Variants in FDFT1 observed in about 807,000 individuals in gnomAD.
The protein encoded by FDFT1 is farnesyl-diphosphate farnesyltransferase 1.
A neutral mutation model predicts 46.8 loss-of-function variants in FDFT1; 68 were observed. The observed-to-expected ratio is 1.45, with a 90% CI of 1.19 to 1.78. The LOEUF is 1.78. Ranked by LOEUF, FDFT1 falls within the 40% of genes most tolerant of loss-of-function variation. The probability of loss-of-function intolerance (pLI) is 0.00; values close to 1 mark genes in which losing one functional copy is unlikely to be tolerated. For synonymous variants in FDFT1, 351 were observed against 185.1 expected (o/e 1.90, Z -7.28); for missense variants, 928 against 524.4 (o/e 1.77, Z -7.52).
At chr8:11,809,549 T>C (rs1029947922) in intron 2 of FDFT1, 118 bp from the exon 3 acceptor site, 50 of 1,300,468 alleles carry the variant, frequency 3.8e-5, no homozygotes, top group African/African-American at 7.5e-5. Context: ...GATATCCTTA[T>C]AGTTCTTTAG....
chr8:11,821,902 G>C (rs1465590805), intron 4 of FDFT1, 24 bp downstream of exon 4: 4 of 1,606,908 alleles, frequency 2.5e-6, no homozygotes, highest in Admixed American at 3.3e-5. Context: ...AACAGTGTCT[G>C]TGTGTGATGT....
At position 11,830,435 on chromosome 8, in the gene FDFT1, T is replaced by C; in HGVS notation, c.879+15T>C. The C allele has an allele frequency of 6.3e-7, 1 of 1,596,584 alleles. No individual in the cohort carries two copies. Among genetic ancestry groups the C allele is most frequent in the South Asian group, 1.1e-5 (1 of 90,690 alleles). ...CTATTCCACAGGTAGGGAAGGGGGC[T>C]CCTCTGGGTGGATACGGGGCTAAAG... is the stretch of plus-strand genomic sequence containing the variant. On this transcript the variant is annotated intron_variant, in intron 6 of 7. Transcript: ENST00000220584.
Position 11,830,244 on chromosome 8 carries a change from G to T in FDFT1, c.703G>T (p.Val235Phe), listed in dbSNP as rs763412017. The T allele has an allele frequency of 2.5e-6, 4 of 1,612,746 alleles. No homozygotes were observed. The highest frequency in any genetic ancestry group is 2.2e-5 in the East Asian group (1 of 44,884). ...QGGREFWPQE[V>F]WSRYVKKLGD... is the part of the protein sequence containing the mutation. ...TTCCTTAATCTTCTTATCTGTCTAGGTTTGGAGCAGGTATGTTAAGAAGTT... is the reference window on the plus strand; with the variant it reads ...TTCCTTAATCTTCTTATCTGTCTAGTTTTGGAGCAGGTATGTTAAGAAGTT... Residue 235 changes from valine to phenylalanine, a missense_variant and splice_region_variant, in exon 6 of 8, where the codon GTT becomes TTT. Transcript: ENST00000220584.
intron 1 of FDFT1, chr8:11,803,322 A>G (rs939384335): frequency 6.2e-6 from 8 of 1,296,218 alleles, no homozygotes; most frequent in Admixed American, 4.6e-5. Context: ...AACTATGCAG[A>G]TAACATCACA....
rs536517941 is a variant in FDFT1 at position 11,808,499 on chromosome 8, C to T, written c.100-295C>T. On this transcript the variant is annotated intron_variant, in intron 1 of 7. Transcript: ENST00000220584. ...GCTTGAGTCTATGGAGGAAAAACTC[C>T]GCGGGGTCCGCGATTCCCATGGCCG... 4.7e-5 allele frequency: 63 copies of T among 1,329,498 alleles called. 1 individual carries two copies. The highest frequency in any genetic ancestry group is 6.0e-5 in the East Asian group (2 of 33,060). 82.4% of individuals were successfully genotyped at this position (1,329,498 alleles called of 1,614,324 possible).
Position 11,802,942 on chromosome 8 carries a change from C to A in FDFT1, c.99+11C>A, listed in dbSNP as rs778721926. 5 of 1,594,018 alleles carry A rather than the reference C, an allele frequency of 3.1e-6. No homozygotes were observed. The highest frequency in any genetic ancestry group is 2.7e-5 in the African/African-American group (2 of 74,330). Reference sequence around the variant, plus strand: ...CCCAAGATGGACCAGGTGGGCCGAGCCTCCCTGCTTGCCCGGGGCGGGGAA... The same window carrying A: ...CCCAAGATGGACCAGGTGGGCCGAGACTCCCTGCTTGCCCGGGGCGGGGAA... On this transcript the variant is annotated intron_variant, in intron 1 of 7. Transcript: ENST00000220584.
chr8:11,823,496 A>T (rs1407776757), intron 4 of FDFT1, among the ~76,000 whole-genome samples: 1 of 152,162 alleles, frequency 6.6e-6, no homozygotes, highest in Non-Finnish European at 1.5e-5. Context: ...TTTGTCCCAG[A>T]ACAAATTTCA....
chr8:11,835,707 G>T (rs750389103), intron 7 of FDFT1, among the ~76,000 whole-genome samples: 3 of 152,126 alleles, frequency 2.0e-5, no homozygotes, highest in Non-Finnish European at 4.4e-5. Flanking sequence ...AAAGTAAAAT[G>T]AAGAAATAAA....
chr8:11,830,219 T>C, intron 5 of FDFT1, 25 bp from the exon 6 acceptor site: 1 of 1,591,716 alleles, frequency 6.3e-7, no homozygotes, highest in Non-Finnish European at 8.6e-7. Flanking sequence ...CGCTGACCTG[T>C]TCCTTAATCT....
intron 3 of FDFT1, among the ~76,000 whole-genome samples, chr8:11,819,614 C>G (rs1428686521): frequency 6.6e-6 from 1 of 151,868 alleles, no homozygotes; most frequent in African/African-American, 2.4e-5. Context: ...TCACTGATAT[C>G]CTTTCTTCTG....
intron 1 of FDFT1, 105 bp from the exon 2 acceptor site, chr8:11,808,689 C>A (rs1343033186): frequency 6.6e-7 from 1 of 1,510,260 alleles, no homozygotes; most frequent in Non-Finnish European, 8.9e-7. Flanking sequence ...GGGCGGCAGG[C>A]TGTGGAGCCG....
rs1806296394 is a variant in FDFT1, at chr8:11,802,791, A to C, written c.-42A>C. 6.7e-7 allele frequency: 1 copy of C among 1,502,834 alleles called. No homozygotes were observed. The highest frequency in any genetic ancestry group is 1.4e-5 in the African/African-American group (1 of 72,492). The allele number at this position is 1,502,834 out of a possible 1,614,324, so 93.1% of individuals were successfully genotyped here. On this transcript the variant is annotated 5_prime_UTR_variant, in exon 1 of 8. Coordinates refer to ENST00000220584, the MANE Select transcript of FDFT1 (RefSeq NM_004462.5). ...CGGCCGGTGAGCGCCTGGGGACCGCAGAGGTGAGAGTCGCGCCCGGGAGTC... is the reference window on the plus strand; with the variant it reads ...CGGCCGGTGAGCGCCTGGGGACCGCCGAGGTGAGAGTCGCGCCCGGGAGTC...
upstream of FDFT1, among the ~76,000 whole-genome samples, chr8:11,797,336 C>T (rs766456548): frequency 5.3e-5 from 8 of 152,164 alleles, no homozygotes; most frequent in Non-Finnish European, 7.3e-5. Context: ...GTTCAGCTTC[C>T]AAGTGGACAC....
upstream of FDFT1, among the ~76,000 whole-genome samples, chr8:11,799,147 C>T (rs1019479285): frequency 5.3e-5 from 8 of 152,210 alleles, no homozygotes; most frequent in African/African-American, 1.7e-4. Context: ...TACAATTACA[C>T]CCTATAGGTC....
At position 11,809,294 on chromosome 8, in the gene FDFT1, G is replaced by A. The variant is rs571747114; in HGVS notation, c.198-373G>A. ...ATGAACTTAGACCAGTTGCCTTTAT[G>A]TATGATCGTATTTATACTGAGAAGT... On this transcript the variant is annotated intron_variant, in intron 2 of 7. Transcript: ENST00000220584. 5 of 1,094,652 alleles carry A rather than the reference G, an allele frequency of 4.6e-6. No homozygotes were observed. In the Admixed American group the frequency reaches 2.3e-4, roughly 51 times the overall value. The allele number at this position is 1,094,652 out of a possible 1,614,324, so 67.8% of individuals were successfully genotyped here. A position where few individuals can be genotyped will look rare whatever the true frequency, so the allele number is the denominator to read the frequency against.
intron 7 of FDFT1, 41 bp downstream of exon 7, chr8:11,831,711 T>A (rs1439408177): frequency 6.5e-7 from 1 of 1,527,318 alleles, no homozygotes; most frequent in African/African-American, 1.4e-5. Context: ...TGTAGCTACT[T>A]TTATGATTTA....
At chr8:11,826,485 C>T (rs1563330594) in intron 5 of FDFT1, among the ~76,000 whole-genome samples, 2 of 152,256 alleles carry the variant, frequency 1.3e-5, no homozygotes, top group East Asian at 3.9e-4. Context: ...ATGGTAACAA[C>T]CCATGTGCAC....
chr8:11,812,504 G>C (rs1191436655), intron 3 of FDFT1, among the ~76,000 whole-genome samples: 1 of 152,216 alleles, frequency 6.6e-6, no homozygotes, highest in Non-Finnish European at 1.5e-5. Flanking sequence ...ATGGGGATCA[G>C]CTGTCTGTGC....
intron 6 of FDFT1, 58 bp from the exon 7 acceptor site, chr8:11,831,460 A>T: frequency 6.7e-7 from 1 of 1,491,610 alleles, no homozygotes; most frequent in African/African-American, 1.4e-5. Flanking sequence ...CCTTTTTGTG[A>T]TAATGATAGC....
Sources: gnomAD v4.1 joint callset for allele counts (sites outside exome capture counted in the v4.1 genomes callset) on GRCh38, gnomAD v4.1.1 for gene constraint, MANE v1.5 for transcripts, NCBI Gene and HGNC (gene_info 2026-07-23, HGNC 2026-07-21) for gene names.